The following PPP2R2C variants were observed in gnomAD, a reference collection of about 807,000 sequenced individuals.
The protein encoded by PPP2R2C is protein phosphatase 2 regulatory subunit Bgamma, also known as protein phosphatase 2, regulatory subunit B, gamma.
PPP2R2C carries 10 observed loss-of-function variants against 45.3 expected under a neutral mutation model. The observed-to-expected ratio is 0.22, with a 90% CI of 0.14 to 0.37. PPP2R2C has a LOEUF of 0.37. Among genes scored for constraint, PPP2R2C ranks in the 10% least tolerant of loss-of-function variants. The pLI is 1.00. For synonymous variants in PPP2R2C, 257 were observed against 245.4 expected, an observed-to-expected ratio of 1.05 and a Z score of -0.44; for missense variants, 308 against 619.7, an observed-to-expected ratio of 0.50 and a Z score of 5.34.
chr4:6,376,495 C>G (rs1715315002), intron 3 of PPP2R2C, among the ~76,000 whole-genome samples: 1 of 151,886 alleles, frequency 6.6e-6, no homozygotes, highest in Non-Finnish European at 1.5e-5. Context: ...TCACATCACC[C>G]AGGCTGGAGT....
intron 2 of PPP2R2C, among the ~76,000 whole-genome samples, chr4:6,511,121 A>G (rs1304135552): frequency 2.6e-5 from 4 of 152,206 alleles, no homozygotes; most frequent in Non-Finnish European, 5.9e-5. Context: ...CATCTGTAAC[A>G]TGGAGATAAT....
chr4:6,551,714 C>T (rs922793486), intron 1 of PPP2R2C, among the ~76,000 whole-genome samples: 3 of 152,198 alleles, frequency 2.0e-5, no homozygotes, highest in East Asian at 3.9e-4. Context: ...GGTGACAGTC[C>T]CAGCTGAGCT....
chr4:6,437,986 C>G (rs945523107), intron 1 of PPP2R2C, among the ~76,000 whole-genome samples: 1 of 152,214 alleles, frequency 6.6e-6, no homozygotes, highest in East Asian at 1.9e-4. Flanking sequence ...ACCCGTGGGG[C>G]TGCTGGCTTA....
rs993696574 is a variant in PPP2R2C, at chr4:6,323,069, G to C, written c.*233C>G. ...CATTTTATGATTTGTGGCGGTGAAC[G>C]CTTCCTTTCCTTTTTATTTTTTTAA... On this transcript the variant is annotated 3_prime_UTR_variant, in exon 9 of 9. Coordinates refer to ENST00000382599, the MANE Select transcript of PPP2R2C (RefSeq NM_020416.4). The C allele has an allele frequency of 4.6e-6, 2 of 435,764 alleles. No individual in the cohort carries two copies. The highest frequency in any genetic ancestry group is 8.0e-6 in the Non-Finnish European group (2 of 251,174). The allele number at this position is 435,764 out of a possible 1,614,324, so 27.0% of individuals were successfully genotyped here.
At chr4:6,533,347 A>G (rs1724469429) in intron 2 of PPP2R2C, among the ~76,000 whole-genome samples, 1 of 152,182 alleles carries the variant, frequency 6.6e-6, no homozygotes, top group Non-Finnish European at 1.5e-5. Flanking sequence ...CCCTCAAACA[A>G]GGCTGTAAAA....
chr4:6,496,991 G>C lies in PPP2R2C; in HGVS notation c.49+38280C>G, dbSNP rs1030334581. Reference sequence around the variant, plus strand: ...TAAATAGCAGGGCAGGTATAAGAGCGTGATCCATAGACTGTGCCAAACAAC... The same window carrying C: ...TAAATAGCAGGGCAGGTATAAGAGCCTGATCCATAGACTGTGCCAAACAAC... On this transcript the variant is annotated intron_variant, in intron 2 of 9. Transcript: ENST00000506140. Among the ~76,000 whole-genome samples the C allele has an allele frequency of 2.6e-5, 4 of 152,302 alleles. No individual in the cohort carries two copies. In the East Asian group the frequency reaches 7.7e-4, roughly 29 times the overall value.
intron 1 of PPP2R2C, among the ~76,000 whole-genome samples, chr4:6,411,373 C>T (rs368257274): frequency 5.3e-5 from 8 of 152,072 alleles, no homozygotes; most frequent in African/African-American, 1.9e-4. Flanking sequence ...GATGGCGTGA[C>T]GCTCCCAGCC....
At chr4:6,441,755 G>C (rs544202889) in intron 1 of PPP2R2C, among the ~76,000 whole-genome samples, 1 of 152,284 alleles carries the variant, frequency 6.6e-6, no homozygotes, top group East Asian at 1.9e-4. Context: ...AGAAAGGAGG[G>C]GATGGGGCCC....
At chr4:6,445,171 AGAGT>A (rs1394995226) in intron 1 of PPP2R2C, among the ~76,000 whole-genome samples, 2 of 152,128 alleles carry the variant, frequency 1.3e-5, no homozygotes, top group African/African-American at 4.8e-5. Context: ...CCTAGGTGAC[AGAGT>A]GAGACCCTGT....
In PPP2R2C at chr4:6,328,118, G is replaced by A. The variant is rs1292475867; in HGVS notation, c.1052+1144C>T. 6.6e-6 allele frequency among the ~76,000 whole-genome samples: 1 copy of A among 152,136 alleles called. No individual in the cohort carries two copies. The highest frequency in any genetic ancestry group is 1.5e-5 in the Non-Finnish European group (1 of 68,008). On this transcript the variant is annotated intron_variant, in intron 8 of 8. Transcript: ENST00000382599. The surrounding 1 kb of genome is among the most constrained non-coding windows in gnomAD (Gnocchi z 4.4). ...TGGGAGAGCCCAGACCTGTCATGTT[G>A]ACTGATGCCATCCACAGGGTGGACA...
intron 4 of PPP2R2C, among the ~76,000 whole-genome samples, chr4:6,373,327 G>C (rs1483637869): frequency 6.6e-6 from 1 of 152,200 alleles, no homozygotes; most frequent in African/African-American, 2.4e-5. Flanking sequence ...TCCGTGCTCG[G>C]CCCTGGACTG....
At chr4:6,350,571 G>C in intron 5 of PPP2R2C, 2 of 985,318 alleles carry the variant, frequency 2.0e-6, no homozygotes, top group South Asian at 4.7e-5. Context: ...TATTTCCTGG[G>C]GTTATAACTC....
At chr4:6,523,933 G>T (rs1724108626) in intron 2 of PPP2R2C, among the ~76,000 whole-genome samples, 1 of 151,936 alleles carries the variant, frequency 6.6e-6, no homozygotes, top group African/African-American at 2.4e-5. Context: ...TTGTTTTTTT[G>T]AGACAGTTTC....
chr4:6,390,540 G>GC (rs1172250064), intron 1 of PPP2R2C, among the ~76,000 whole-genome samples: 2 of 152,216 alleles, frequency 1.3e-5, no homozygotes, highest in Non-Finnish European at 2.9e-5. Context: ...CAGGGAGCAC[G>GC]CCGGGCGGCG....
chr4:6,462,977 G>C (rs1442156367), intron 1 of PPP2R2C, among the ~76,000 whole-genome samples: 1 of 152,222 alleles, frequency 6.6e-6, no homozygotes, highest in African/African-American at 2.4e-5. Flanking sequence ...GCTCCAGGGA[G>C]CGGCATCTCT....
chr4:6,373,522 T>A (rs1025240634), intron 4 of PPP2R2C, among the ~76,000 whole-genome samples: 1 of 152,198 alleles, frequency 6.6e-6, no homozygotes, highest in Non-Finnish European at 1.5e-5. Flanking sequence ...CCCAGTGGAC[T>A]AGGGATCAGC....
chr4:6,522,354 A>T (rs1358508501), intron 2 of PPP2R2C, among the ~76,000 whole-genome samples: 2 of 152,240 alleles, frequency 1.3e-5, no homozygotes, highest in Non-Finnish European at 2.9e-5. Context: ...GGGCATTACC[A>T]ATCCTCACTG....
In PPP2R2C at chr4:6,527,470, C is replaced by T. The variant is rs1380675865; in HGVS notation, c.49+7801G>A. ...CCTCCCTGCCATGCAGCCTCTGTGG[C>T]CAAGGTGCATGGACCTGCCAAGTGC... On this transcript the variant is annotated intron_variant, in intron 2 of 9. Transcript: ENST00000506140. Among the ~76,000 whole-genome samples, 7 of 138,402 alleles carry T rather than the reference C, an allele frequency of 5.1e-5. No homozygotes were observed. In the East Asian group the frequency reaches 1.3e-3, roughly 26 times the overall value. 90.8% of individuals were successfully genotyped at this position (138,402 alleles called of 152,430 possible).
chr4:6,375,037 C>T (rs1171016570), intron 4 of PPP2R2C, among the ~76,000 whole-genome samples: 1 of 152,168 alleles, frequency 6.6e-6, no homozygotes, highest in Admixed American at 6.5e-5. Flanking sequence ...ATGAAGGCCA[C>T]TGGCTCTGCC....
Sources: gnomAD v4.1 joint callset for allele counts (sites outside exome capture counted in the v4.1 genomes callset) on GRCh38, gnomAD v4.1.1 for gene constraint, Gnocchi (gnomAD v3.1) non-coding constraint, MANE v1.5 for transcripts, NCBI Gene and HGNC (gene_info 2026-07-23, HGNC 2026-07-21) for gene names.